The following CFAP61 variants were observed in gnomAD, a reference collection of about 807,000 sequenced individuals.
The protein encoded by CFAP61 is cilia- and flagella-associated protein 61.
CFAP61 carries 107 observed loss-of-function variants against 135.6 expected under a neutral mutation model. The observed-to-expected ratio is 0.79, with a 90% CI of 0.67 to 0.93. The LOEUF is 0.93. CFAP61 is among the 40% of genes least tolerant of loss of function. The pLI is 0.00. For synonymous variants in CFAP61, 575 were observed against 578.5 expected (o/e 0.99, Z 0.09); for missense variants, 1,507 against 1,556.2 (o/e 0.97, Z 0.53).
intron 25 of CFAP61, among the ~76,000 whole-genome samples, chr20:20,331,803 G>A (rs1180333284): frequency 1.6e-4 from 24 of 152,018 alleles, no homozygotes; most frequent in Admixed American, 1.6e-3. Flanking sequence ...GGGCATGATT[G>A]TGAGTGAGGC....
intron 18 of CFAP61, among the ~76,000 whole-genome samples, chr20:20,237,345 C>T (rs537238387): frequency 1.3e-5 from 2 of 152,102 alleles, no homozygotes; most frequent in African/African-American, 4.8e-5. Flanking sequence ...TTCTCCAGGT[C>T]GCATCCTCAT....
intron 12 of CFAP61, among the ~76,000 whole-genome samples, chr20:20,166,695 C>T (rs1320957401): frequency 1.3e-5 from 2 of 152,078 alleles, no homozygotes; most frequent in African/African-American, 2.4e-5. Context: ...AGAATCAAAT[C>T]ATTCATAGTA....
chr20:20,128,569 T>C (rs1310704913), intron 8 of CFAP61, among the ~76,000 whole-genome samples: 1 of 151,668 alleles, frequency 6.6e-6, no homozygotes, highest in Non-Finnish European at 1.5e-5. Context: ...GCAGTCTGCT[T>C]CCTTCAGAGG....
intron 8 of CFAP61, among the ~76,000 whole-genome samples, chr20:20,118,638 G>C (rs530868432): frequency 6.6e-6 from 1 of 152,096 alleles, no homozygotes; most frequent in South Asian, 2.1e-4. Context: ...ACTGTGCCCA[G>C]TGTTTTGAGG....
At chr20:20,308,480 C>T (rs1404996842) in intron 25 of CFAP61, among the ~76,000 whole-genome samples, 21 of 151,482 alleles carry the variant, frequency 1.4e-4, no homozygotes, top group East Asian at 9.7e-4. Context: ...GGGGAAGGGG[C>T]GGAGCAGGTA....
At chr20:20,091,072 A>G in intron 7 of CFAP61, 96 bp downstream of exon 7, 1 of 1,433,530 alleles carries the variant, frequency 7.0e-7, no homozygotes, top group Non-Finnish European at 9.7e-7. Context: ...TGGAGCTGCC[A>G]TTGTCTCCCT....
chr20:20,059,326 CAAAAAAAAAAAA>C (rs11458923), intron 2 of CFAP61, among the ~76,000 whole-genome samples: 6 of 45,484 alleles, frequency 1.3e-4, no homozygotes, highest in African/African-American at 5.0e-4. Flanking sequence ...GACTCTGTCT[CAAAAAAAAAAAA>C]AAAAAAAAAA....
At chr20:20,064,182 C>T (rs6046587) in intron 2 of CFAP61, among the ~76,000 whole-genome samples, 70,483 of 151,862 alleles carry the variant, frequency 0.46, 17,564 homozygotes, top group Non-Finnish European at 0.55. Context: ...GCTTTTCCAT[C>T]GTAACTAAGC....
intron 8 of CFAP61, among the ~76,000 whole-genome samples, chr20:20,108,676 A>G (rs1042569885): frequency 6.6e-6 from 1 of 152,226 alleles, no homozygotes; most frequent in Non-Finnish European, 1.5e-5. Flanking sequence ...TTTCCTCCCT[A>G]TATTTTTTAA....
In CFAP61 at chr20:20,074,356, G is replaced by A; in HGVS notation, c.349G>A (p.Gly117Ser). ...TGTGGCCGTGGATGAGTATTCTGTT[G>A]GCTGTTGCAAAGAGATTCTTCGGTG... ...LFVAVDEYSV[G>S]CCKEILRTVY... The change falls in exon 4 of 27, where the codon GGC (glycine) becomes AGC (serine). Residue 117 changes from glycine (G) to serine (S), a missense_variant. Physicochemically the swap from Gly to Ser is moderately conservative, Grantham distance 56. Transcript: ENST00000245957. 6.2e-7 allele frequency: 1 copy of A among 1,614,148 alleles called. No homozygotes were observed. Among genetic ancestry groups the A allele is most frequent in the Non-Finnish European group, 8.5e-7 (1 of 1,180,006 alleles).
intron 17 of CFAP61, among the ~76,000 whole-genome samples, chr20:20,202,496 G>A (rs935242604): frequency 6.6e-6 from 1 of 152,058 alleles, no homozygotes; most frequent in Admixed American, 6.5e-5. Flanking sequence ...ATGGGCCTCG[G>A]TATTAAAAAG....
chr20:20,314,390 T>TAA (rs2056992974), intron 25 of CFAP61, among the ~76,000 whole-genome samples: 1 of 101,412 alleles, frequency 9.9e-6, no homozygotes, highest in African/African-American at 4.9e-5. Context: ...AGACCCCATC[T>TAA]CAAAAAAAAA....
chr20:20,292,377 A>G (rs927094), intron 24 of CFAP61, among the ~76,000 whole-genome samples: 125,580 of 152,200 alleles, frequency 0.83, 52,004 homozygotes, highest in Middle Eastern at 0.87. Flanking sequence ...TGTACACATG[A>G]TCTGATGCAA....
At chr20:20,350,008 G>A (rs753457883) in intron 26 of CFAP61, among the ~76,000 whole-genome samples, 3 of 152,224 alleles carry the variant, frequency 2.0e-5, no homozygotes, top group Non-Finnish European at 4.4e-5. Context: ...CCAAGACAGT[G>A]TGGTACTTGC....
intron 1 of CFAP61, among the ~76,000 whole-genome samples, chr20:20,053,992 CTG>C (rs1375844245): frequency 1.8e-5 from 2 of 113,538 alleles, no homozygotes; most frequent in African/African-American, 7.0e-5. Context: ...CAGTTCATCT[CTG>C]TGTGTGTTTT....
At chr20:20,299,492 A>G (rs921399671) in intron 25 of CFAP61, among the ~76,000 whole-genome samples, 24 of 152,228 alleles carry the variant, frequency 1.6e-4, no homozygotes, top group African/African-American at 5.8e-4. Context: ...ACACAGCTAT[A>G]TCCCAAGAAA....
intron 21 of CFAP61, among the ~76,000 whole-genome samples, chr20:20,272,136 C>T (rs546583908): frequency 3.9e-5 from 6 of 152,114 alleles, no homozygotes; most frequent in African/African-American, 9.6e-5. Context: ...TGAAGTTTTC[C>T]GGCTTATTAA....
intron 26 of CFAP61, 55 bp from the exon 27 acceptor site, chr20:20,360,155 C>A (rs2059422232): frequency 7.5e-7 from 1 of 1,331,684 alleles, no homozygotes; most frequent in Non-Finnish European, 1.1e-6. Flanking sequence ...ACTGCCGTTA[C>A]AACTGTGCAG....
Position 20,109,463 on chromosome 20 carries a change from C to T in CFAP61, c.859+10649C>T, listed in dbSNP as rs114076499. Among the ~76,000 whole-genome samples, 305 of 152,248 alleles carry T rather than the reference C, an allele frequency of 2.0e-3. 1 individual carries two copies. Among genetic ancestry groups the T allele is most frequent in the African/African-American group, 6.6e-3 (275 of 41,544 alleles). The stretch of plus-strand genomic sequence containing the variant: ...AAATGATGCTCTTGGTTGTTCCATA[C>T]GTCAGTCCTTCTATGCTTGAGCTGG... On this transcript the variant is annotated intron_variant, in intron 8 of 26. Transcript: ENST00000245957.
Sources: allele counts gnomAD v4.1 joint callset (sites outside exome capture counted in the v4.1 genomes callset), GRCh38; gene constraint gnomAD v4.1.1; transcripts MANE v1.5; gene names NCBI Gene and HGNC (gene_info 2026-07-23, HGNC 2026-07-21).